The following MTCL1 variants were observed in gnomAD, a reference collection of about 807,000 sequenced individuals.
MTCL1 encodes microtubule cross-linking factor 1.
Under a neutral mutation model 141.4 loss-of-function variants are expected in MTCL1, and 79 were observed. That is an observed-to-expected ratio of 0.56 (90% CI 0.47 to 0.67). The LOEUF (loss-of-function observed/expected upper bound fraction) is 0.67. MTCL1 is among the 30% of genes least tolerant of loss of function. The pLI, the probability that MTCL1 is intolerant of heterozygous loss-of-function variation, is 0.00. For missense variants in MTCL1, 2,177 were observed against 2,113.9 expected, an observed-to-expected ratio of 1.03 and a Z score of -0.59; for synonymous variants, 914 against 875.8, an observed-to-expected ratio of 1.04 and a Z score of -0.77.
exon 8 of MTCL1, chr18:8,793,003 G>C: frequency 6.2e-7 from 1 of 1,613,880 alleles, no homozygotes; most frequent in Non-Finnish European, 8.5e-7. Context: ...ATCAGCTCAG[G>C]GGCCCCCCCG....
chr18:8,733,216 C>T (rs925393707), intron 4 of MTCL1, among the ~76,000 whole-genome samples: 1 of 152,050 alleles, frequency 6.6e-6, no homozygotes. Flanking sequence ...GAGACGAGGC[C>T]GGGGAGTGTT....
intron 4 of MTCL1, among the ~76,000 whole-genome samples, chr18:8,746,170 T>G (rs1234843726): frequency 1.3e-5 from 2 of 152,232 alleles, no homozygotes; most frequent in African/African-American, 4.8e-5. Context: ...CTCACCTATG[T>G]CTGTTGTGAA....
chr18:8,792,661 T>G (rs2075774634), intron 7 of MTCL1, among the ~76,000 whole-genome samples: 1 of 152,210 alleles, frequency 6.6e-6, no homozygotes, highest in Non-Finnish European at 1.5e-5. Flanking sequence ...CATCCCGGCG[T>G]CCAGAAGCCA....
intron 4 of MTCL1, among the ~76,000 whole-genome samples, chr18:8,744,759 G>C (rs1013844019): frequency 4.6e-5 from 7 of 152,086 alleles, no homozygotes; most frequent in Non-Finnish European, 8.8e-5. Flanking sequence ...AACCACCACA[G>C]CCCCCTTTAT....
intron 4 of MTCL1, among the ~76,000 whole-genome samples, chr18:8,760,292 C>T (rs1303833438): frequency 1.3e-5 from 2 of 152,200 alleles, no homozygotes; most frequent in Non-Finnish European, 2.9e-5. Flanking sequence ...GGGCAAGTTA[C>T]TTCTTCTGAG....
intron 11 of MTCL1, chr18:8,809,613 G>A (rs998528437): frequency 1.3e-6 from 2 of 1,531,548 alleles, no homozygotes; most frequent in African/African-American, 2.7e-5. Flanking sequence ...AGGAGTGGAG[G>A]GCACACACCT....
chr18:8,736,072 C>T (rs951944478), intron 4 of MTCL1, among the ~76,000 whole-genome samples: 3 of 152,146 alleles, frequency 2.0e-5, no homozygotes, highest in African/African-American at 7.2e-5. Context: ...ACTTTTTAAT[C>T]CTGTGTCACA....
chr18:8,740,374 AT>A (rs1226775361), intron 4 of MTCL1, among the ~76,000 whole-genome samples: 1 of 152,196 alleles, frequency 6.6e-6, no homozygotes, highest in African/African-American at 2.4e-5. Context: ...CATCAGTTTT[AT>A]TTGTATGTTA....
chr18:8,797,602 GT>G, intron 9 of MTCL1, among the ~76,000 whole-genome samples: 1 of 152,316 alleles, frequency 6.6e-6, no homozygotes, highest in Non-Finnish European at 1.5e-5. Context: ...CTTTTGTCTG[GT>G]TTTCACTCTA....
chr18:8,785,961 G>A lies in MTCL1; in HGVS notation c.1757G>A (p.Trp586Ter). 1 of 1,597,388 alleles carries A rather than the reference G, an allele frequency of 6.3e-7. No individual in the cohort carries two copies. Residue 586 changes from tryptophan to a stop codon, truncating the protein, a stop_gained, in exon 7 of 17, where the codon TGG (tryptophan) becomes TAG (stop). Transcript: ENST00000359865. LOFTEE classifies it high-confidence loss of function. The stretch of plus-strand genomic sequence containing the variant: ...TCCAGACTGAAAGAGCAGCTGGAGT[G>A]GCAGCTCGGGCCGGCCCGAGGGGAC...
At chr18:8,789,057 G>A (rs888947169) in intron 7 of MTCL1, among the ~76,000 whole-genome samples, 2 of 152,166 alleles carry the variant, frequency 1.3e-5, no homozygotes, top group African/African-American at 2.4e-5. Context: ...AGCCATGCAC[G>A]GACGCTGGTC....
At chr18:8,743,039 T>A (rs1227129467) in intron 4 of MTCL1, among the ~76,000 whole-genome samples, 2 of 152,258 alleles carry the variant, frequency 1.3e-5, no homozygotes, top group Non-Finnish European at 2.9e-5. Flanking sequence ...AAAATTTGAA[T>A]GAGTTACTTT....
chr18:8,753,300 A>C (rs2096381293), intron 4 of MTCL1, among the ~76,000 whole-genome samples: 1 of 152,244 alleles, frequency 6.6e-6, no homozygotes, highest in Non-Finnish European at 1.5e-5. Flanking sequence ...AATTTTTTAA[A>C]AAATGGGAGA....
rs150519905 is a variant in MTCL1, at chr18:8,824,963, C to G, written c.3453C>G (p.Pro1151=). The G allele has an allele frequency of 1.3e-5, 21 of 1,613,586 alleles. No individual in the cohort carries two copies. The African/African-American group carries it at 2.4e-4, about 18-fold the overall frequency. ...ACGAGGACAGCACAGAGCCTTTCCC[C>G]GACTCCTCCTGGTACCTAACCACAA... The change falls in exon 15 of 17, where the codon CCC becomes CCG. Residue 1151 remains proline (P), a synonymous_variant. Coordinates refer to ENST00000359865, the Ensembl canonical transcript of MTCL1.
At chr18:8,792,191 G>T (rs368666968) in intron 7 of MTCL1, among the ~76,000 whole-genome samples, 1 of 152,202 alleles carries the variant, frequency 6.6e-6, no homozygotes, top group African/African-American at 2.4e-5. Context: ...ATAATCCAGT[G>T]GGTAAAATGT....
rs1169252504 is a variant in MTCL1, at chr18:8,705,917, C to T, written c.257C>T (p.Pro86Leu). The change falls in exon 1 of 14, where the codon CCC becomes CTC. Residue 86 changes from proline (P) to leucine (L), a missense_variant. Transcript: ENST00000306329. The surrounding 1 kb of genome is among the most constrained non-coding windows in gnomAD (Gnocchi z 5.2). ...CCCAACCTCGCGGGCAAAGCGCCGC[C>T]CTCGCCGGGGTCCCTGGCCGCGCCC... 11 of 1,087,878 alleles carry T rather than the reference C, an allele frequency of 1.0e-5. No individual in the cohort carries two copies. Among genetic ancestry groups the T allele is most frequent in the Non-Finnish European group, 1.0e-5 (9 of 897,544 alleles). The allele number at this position is 1,087,878 out of a possible 1,614,324, so 67.4% of individuals were successfully genotyped here.
chr18:8,722,065 G>C (rs776862320), intron 4 of MTCL1, among the ~76,000 whole-genome samples: 1 of 152,318 alleles, frequency 6.6e-6, no homozygotes, highest in Middle Eastern at 3.4e-3. Context: ...CCCAGGACTC[G>C]AGGAATTTGT....
At chr18:8,750,414 C>G (rs1246122996) in intron 4 of MTCL1, among the ~76,000 whole-genome samples, 1 of 152,192 alleles carries the variant, frequency 6.6e-6, no homozygotes, top group Non-Finnish European at 1.5e-5. Flanking sequence ...AGAGCCCGGT[C>G]CTGGAGGGTG....
chr18:8,832,185 A>C (rs1598848769), exon 17 of MTCL1: 1 of 203,206 alleles, frequency 4.9e-6, no homozygotes, highest in African/African-American at 2.4e-5. Flanking sequence ...TTAAATTTGC[A>C]CTGTTACATT....
Sources: allele counts gnomAD v4.1 joint callset (sites outside exome capture counted in the v4.1 genomes callset), GRCh38; gene constraint gnomAD v4.1.1; non-coding constraint Gnocchi (gnomAD v3.1); transcripts MANE v1.5; gene names NCBI Gene and HGNC (gene_info 2026-07-23, HGNC 2026-07-21).